The following PRR5L variants were observed in gnomAD, a reference collection of about 807,000 sequenced individuals.
PRR5L encodes the protein proline-rich protein 5-like.
In PRR5L, 21 loss-of-function variants were observed where a neutral mutation model predicts 36.4. The ratio of observed to expected loss-of-function variants is 0.58; its 90% CI spans 0.41 to 0.83. The LOEUF (loss-of-function observed/expected upper bound fraction) is 0.83. Ranked by LOEUF, PRR5L falls within the 40% of genes least tolerant of loss-of-function variation. The pLI, the probability that PRR5L is intolerant of heterozygous loss-of-function variation, is 0.00. For synonymous variants in PRR5L, 188 were observed against 197.0 expected (o/e 0.95, Z 0.38); for missense variants, 381 against 473.3 (o/e 0.80, Z 1.81).
chr11:36,305,164 A>G (rs769809603), intron 1 of PRR5L, among the ~76,000 whole-genome samples: 1 of 152,260 alleles, frequency 6.6e-6, no homozygotes, highest in Non-Finnish European at 1.5e-5. Context: ...AAAATTTGGC[A>G]TATTCACACA....
At chr11:36,358,279 G>T (rs1399694274) in intron 1 of PRR5L, among the ~76,000 whole-genome samples, 1 of 152,130 alleles carries the variant, frequency 6.6e-6, no homozygotes, top group Non-Finnish European at 1.5e-5. Flanking sequence ...AGTTTTTTGT[G>T]AATGGAAGAA....
chr11:36,455,460 G>A (rs865812728), intron 8 of PRR5L: 1 of 153,192 alleles, frequency 6.5e-6, no homozygotes, highest in East Asian at 1.9e-4. Context: ...AGTGAGGAGG[G>A]AATAAAGCCT....
intron 1 of PRR5L, among the ~76,000 whole-genome samples, chr11:36,327,919 G>T (rs1856681217): frequency 6.6e-6 from 1 of 152,142 alleles, no homozygotes; most frequent in Non-Finnish European, 1.5e-5. Context: ...ACTGATTGAT[G>T]TCTGCCTGTA....
At chr11:36,374,079 T>TTCCG (rs1857225189) in intron 1 of PRR5L, among the ~76,000 whole-genome samples, 2 of 115,378 alleles carry the variant, frequency 1.7e-5, no homozygotes, top group Non-Finnish European at 3.6e-5. Context: ...CCTTCCTTCC[T>TTCCG]TCCTTCCTTC....
chr11:36,328,805 GA>G (rs1014924149), intron 1 of PRR5L, among the ~76,000 whole-genome samples: 4 of 152,094 alleles, frequency 2.6e-5, no homozygotes, highest in African/African-American at 9.7e-5. Context: ...GGGATGTTCA[GA>G]AAAAATACTC....
intron 4 of PRR5L, among the ~76,000 whole-genome samples, chr11:36,424,916 G>T (rs534690732): frequency 6.6e-6 from 1 of 152,134 alleles, no homozygotes; most frequent in African/African-American, 2.4e-5. Context: ...CCGCCTCCCG[G>T]ATTCAAGTGA....
At chr11:36,327,693 T>C (rs189687459) in intron 1 of PRR5L, among the ~76,000 whole-genome samples, 2 of 152,328 alleles carry the variant, frequency 1.3e-5, no homozygotes, top group Non-Finnish European at 2.9e-5. Flanking sequence ...AGAATTCTTC[T>C]ACATAATAAG....
chr11:36,439,889 G>A (rs546856526), intron 6 of PRR5L, among the ~76,000 whole-genome samples: 4 of 152,220 alleles, frequency 2.6e-5, no homozygotes, highest in African/African-American at 4.8e-5. Flanking sequence ...TTTGGAGTAC[G>A]TAGGTTGTGA....
chr11:36,446,082 G>A lies in PRR5L; in HGVS notation c.445-218G>A, dbSNP rs192617313. On this transcript the variant is annotated intron_variant, in intron 6 of 8. Coordinates refer to ENST00000530639, the MANE Select transcript of PRR5L (RefSeq NM_001160167.2). ...TTATATGTGCCTTGTATTGTCTTTC[G>A]GTCATTTAGGTAGGCAGGTTGAGTC... Among the ~76,000 whole-genome samples the A allele has an allele frequency of 1.9e-3, 284 of 152,134 alleles. 1 individual carries two copies. Among genetic ancestry groups the A allele is most frequent in the Non-Finnish European group, 2.6e-3 (176 of 67,986 alleles).
intron 5 of PRR5L, among the ~76,000 whole-genome samples, chr11:36,434,965 G>C (rs1245320474): frequency 6.6e-6 from 1 of 152,148 alleles, no homozygotes; most frequent in Admixed American, 6.5e-5. Context: ...GGCATTGAAA[G>C]GGGGAGTAAG....
chr11:36,349,667 C>G (rs1856907292), intron 1 of PRR5L, among the ~76,000 whole-genome samples: 1 of 152,156 alleles, frequency 6.6e-6, no homozygotes, highest in African/African-American at 2.4e-5. Flanking sequence ...CATTCTGTGG[C>G]CTAGGTGATG....
intron 1 of PRR5L, among the ~76,000 whole-genome samples, chr11:36,345,393 T>A (rs1204622237): frequency 1.3e-5 from 2 of 152,138 alleles, no homozygotes; most frequent in East Asian, 3.9e-4. Context: ...TAACCCGCCG[T>A]AGGGAACATG....
In PRR5L at chr11:36,360,884, G is replaced by A. The variant is rs190803902; in HGVS notation, c.-125-40113G>A. 6.9e-4 allele frequency among the ~76,000 whole-genome samples: 105 copies of A among 152,000 alleles called. 1 individual carries two copies. Among genetic ancestry groups the A allele is most frequent in the African/African-American group, 2.4e-3 (98 of 41,258 alleles). On this transcript the variant is annotated intron_variant, in intron 1 of 8. Coordinates refer to ENST00000530639, the MANE Select transcript of PRR5L (RefSeq NM_001160167.2). Reference sequence around the variant, plus strand: ...GCCACTCATTTGATTCAAGAAGCAAGTATAACTCTACAGCAGCAGTTCTCG... The same window carrying A: ...GCCACTCATTTGATTCAAGAAGCAAATATAACTCTACAGCAGCAGTTCTCG...
At chr11:36,427,040 C>A (rs1283299355) in intron 4 of PRR5L, among the ~76,000 whole-genome samples, 1 of 152,340 alleles carries the variant, frequency 6.6e-6, no homozygotes, top group East Asian at 1.9e-4. Context: ...ACCTTTCCAA[C>A]CCACCCTCTG....
At position 36,390,235 on chromosome 11, in the gene PRR5L, G is replaced by A. The variant is rs200407283; in HGVS notation, c.-125-10762G>A. ...AGCAAGTGAAGGTGGGCTATAAAGG[G>A]GGTGCAGGTTTGAACCTGGAGAGTT... On this transcript the variant is annotated intron_variant, in intron 1 of 8. Coordinates refer to ENST00000530639, the MANE Select transcript of PRR5L (RefSeq NM_001160167.2). Among the ~76,000 whole-genome samples the A allele has an allele frequency of 3.3e-5, 5 of 152,202 alleles. No individual in the cohort carries two copies. The East Asian group carries it at 9.6e-4, about 29-fold the overall frequency.
chr11:36,327,948 C>CA (rs1384050744), intron 1 of PRR5L, among the ~76,000 whole-genome samples: 1 of 152,126 alleles, frequency 6.6e-6, no homozygotes, highest in Non-Finnish European at 1.5e-5. Context: ...CAAAATCGAG[C>CA]TGTAACCCAA....
At chr11:36,407,533 T>G (rs1857935855) in intron 3 of PRR5L, among the ~76,000 whole-genome samples, 1 of 152,240 alleles carries the variant, frequency 6.6e-6, no homozygotes, top group African/African-American at 2.4e-5. Flanking sequence ...GAGAGCCAGC[T>G]GTTTCTCCTT....
At chr11:36,378,266 A>G (rs1325119925) in intron 1 of PRR5L, among the ~76,000 whole-genome samples, 1 of 152,208 alleles carries the variant, frequency 6.6e-6, no homozygotes, top group Non-Finnish European at 1.5e-5. Flanking sequence ...TAAGGTTCCC[A>G]GTATGACTGA....
intron 1 of PRR5L, among the ~76,000 whole-genome samples, chr11:36,339,182 C>T (rs536157975): frequency 6.6e-6 from 1 of 152,332 alleles, no homozygotes; most frequent in African/African-American, 2.4e-5. Flanking sequence ...TACACTCCAC[C>T]TCCTGGGTTC....
Sources: gnomAD v4.1 joint callset for allele counts (sites outside exome capture counted in the v4.1 genomes callset) on GRCh38, gnomAD v4.1.1 for gene constraint, MANE v1.5 for transcripts, NCBI Gene and HGNC (gene_info 2026-07-23, HGNC 2026-07-21) for gene names.